Variants in TBL1XR1 observed in about 807,000 individuals in gnomAD.
The protein encoded by TBL1XR1 is F-box-like/WD repeat-containing protein TBL1XR1.
A neutral mutation model predicts 66.9 loss-of-function variants in TBL1XR1; 5 were observed. The ratio of observed to expected loss-of-function variants is 0.07; its 90% CI spans 0.04 to 0.16. TBL1XR1 has a LOEUF of 0.16. TBL1XR1 is among the 10% of genes least tolerant of loss of function. TBL1XR1 has a pLI of 1.00. For synonymous variants in TBL1XR1, 210 were observed against 206.0 expected, an observed-to-expected ratio of 1.02 and a Z score of -0.17; for missense variants, 238 against 623.2, an observed-to-expected ratio of 0.38 and a Z score of 6.58.
chr3:177,193,090 T>A (rs191864585), intron 1 of TBL1XR1, among the ~76,000 whole-genome samples: 1 of 150,728 alleles, frequency 6.6e-6, no homozygotes. Context: ...GAGGCGGAGG[T>A]TGCAGTGAGC....
intron 1 of TBL1XR1, among the ~76,000 whole-genome samples, chr3:177,116,125 G>A (rs756536522): frequency 6.6e-6 from 1 of 152,148 alleles, no homozygotes; most frequent in Non-Finnish European, 1.5e-5. Flanking sequence ...TTGAAAAACA[G>A]TACCTTCCTG....
chr3:177,180,035 G>A (rs183906128), intron 1 of TBL1XR1, among the ~76,000 whole-genome samples: 2 of 151,934 alleles, frequency 1.3e-5, no homozygotes, highest in African/African-American at 4.8e-5. Context: ...TCAGGAGATC[G>A]AGACCATCCT....
At chr3:177,135,383 G>A (rs62296579) in intron 1 of TBL1XR1, among the ~76,000 whole-genome samples, 3,790 of 21,270 alleles carry the variant, frequency 0.18, 185 homozygotes, top group Middle Eastern at 0.23. Context: ...ATATATATAT[G>A]TATGTATTTT....
At chr3:177,057,201 A>T (rs1233721701) in intron 3 of TBL1XR1, among the ~76,000 whole-genome samples, 1 of 152,212 alleles carries the variant, frequency 6.6e-6, no homozygotes. Context: ...CATGCCTCTG[A>T]GCCTTATGTC....
rs538464364 is a variant in TBL1XR1, at chr3:177,035,566, G to A, written c.1123-1241C>T. Among the ~76,000 whole-genome samples the A allele has an allele frequency of 3.3e-5, 5 of 152,014 alleles. No individual in the cohort carries two copies. The East Asian group carries it at 7.8e-4, about 24-fold the overall frequency. On this transcript the variant is annotated intron_variant, in intron 12 of 15. Coordinates refer to ENST00000457928, the MANE Select transcript of TBL1XR1 (RefSeq NM_024665.7). ...GTAGCTGGGATTATAGGCACCTGCC[G>A]CCACGCTCGGCTAAATTTGGTATAT...
chr3:177,054,774 T>C (rs1015713273), intron 3 of TBL1XR1, among the ~76,000 whole-genome samples: 1 of 152,166 alleles, frequency 6.6e-6, no homozygotes, highest in African/African-American at 2.4e-5. Context: ...ATTTAAGAAA[T>C]GAACAGCTAG....
intron 1 of TBL1XR1, among the ~76,000 whole-genome samples, chr3:177,150,624 TG>T (rs1730773694): frequency 6.6e-6 from 1 of 152,256 alleles, no homozygotes; most frequent in African/African-American, 2.4e-5. Context: ...TGTTGTAGAA[TG>T]TTTCTTACCA....
At chr3:177,042,976 T>C (rs1221238752) in intron 10 of TBL1XR1, among the ~76,000 whole-genome samples, 2 of 152,124 alleles carry the variant, frequency 1.3e-5, no homozygotes, top group African/African-American at 4.8e-5. Context: ...AAGCATACAA[T>C]TCAATGGATT....
intron 2 of TBL1XR1, among the ~76,000 whole-genome samples, chr3:177,087,698 T>C (rs1217826995): frequency 6.6e-6 from 1 of 152,164 alleles, no homozygotes; most frequent in African/African-American, 2.4e-5. Context: ...GCAAAATTTT[T>C]TTTTTTTAAA....
chr3:177,032,874 C>A, intron 14 of TBL1XR1, 97 bp downstream of exon 14: 1 of 1,017,312 alleles, frequency 9.8e-7, no homozygotes, highest in South Asian at 4.4e-5. Flanking sequence ...ATTAATGCCA[C>A]AAGAGGAATG....
In TBL1XR1 at chr3:177,146,997, A is replaced by ATT. The variant is rs1308706616; in HGVS notation, c.-121-48458_-121-48457dup. Among the ~76,000 whole-genome samples, 5 of 151,788 alleles carry ATT rather than the reference A, an allele frequency of 3.3e-5. No individual in the cohort carries two copies. The East Asian group carries it at 9.7e-4, about 29-fold the overall frequency. On this transcript the variant is annotated intron_variant, in intron 1 of 15. Transcript: ENST00000457928. The stretch of plus-strand genomic sequence containing the variant: ...TAAAATGATTCAGATTCAGATCATG[A>ATT]TTTTTTTAGATTAATACTTTTTACT...
intron 1 of TBL1XR1, among the ~76,000 whole-genome samples, chr3:177,125,785 A>C (rs1727546534): frequency 6.6e-6 from 1 of 152,178 alleles, no homozygotes; most frequent in Admixed American, 6.5e-5. Context: ...CAAGTTTTCA[A>C]ATTTCCAAGT....
At chr3:177,083,319 T>G (rs1482484312) in intron 2 of TBL1XR1, among the ~76,000 whole-genome samples, 1 of 152,120 alleles carries the variant, frequency 6.6e-6, no homozygotes, top group African/African-American at 2.4e-5. Flanking sequence ...ATGTCTGTAT[T>G]AGAAATGACC....
chr3:177,157,138 G>A (rs1731613847), intron 1 of TBL1XR1, among the ~76,000 whole-genome samples: 1 of 152,176 alleles, frequency 6.6e-6, no homozygotes, highest in Non-Finnish European at 1.5e-5. Flanking sequence ...GAGCCCATGA[G>A]GTCAAAGCTG....
intron 1 of TBL1XR1, among the ~76,000 whole-genome samples, chr3:177,166,121 T>C (rs1170685372): frequency 6.6e-6 from 1 of 152,008 alleles, no homozygotes; most frequent in East Asian, 1.9e-4. Flanking sequence ...GCACAGTGGG[T>C]CACACCTGTA....
intron 1 of TBL1XR1, among the ~76,000 whole-genome samples, chr3:177,189,498 C>CA (rs965871980): frequency 6.6e-6 from 1 of 151,454 alleles, no homozygotes; most frequent in Non-Finnish European, 1.5e-5. Flanking sequence ...ACTAAAATTA[C>CA]AAAAAAATTA....
chr3:177,046,285 G>T (rs1716316959), intron 9 of TBL1XR1, 96 bp from the exon 10 acceptor site: 1 of 861,570 alleles, frequency 1.2e-6, no homozygotes, highest in Non-Finnish European at 1.7e-6. Context: ...AATATGAAAT[G>T]TCAGAGTGGA....
intron 12 of TBL1XR1, among the ~76,000 whole-genome samples, chr3:177,036,756 A>C (rs1714846180): frequency 6.6e-6 from 1 of 152,224 alleles, no homozygotes; most frequent in Non-Finnish European, 1.5e-5. Flanking sequence ...AGAAAACCTC[A>C]CAAGTTTCGC....
chr3:177,135,367 ATATATATATATATATGTATG>A (rs1728858518), intron 1 of TBL1XR1, among the ~76,000 whole-genome samples: 1 of 32,960 alleles, frequency 3.0e-5, no homozygotes, highest in Admixed American at 3.3e-4. Flanking sequence ...ATATATATAT[ATATATATATATATATGTATG>A]TATTTTTTTT....
Sources: gnomAD v4.1 joint callset for allele counts (sites outside exome capture counted in the v4.1 genomes callset) on GRCh38, gnomAD v4.1.1 for gene constraint, MANE v1.5 for transcripts, NCBI Gene and HGNC (gene_info 2026-07-23, HGNC 2026-07-21) for gene names.